GRID2: variants seen among roughly 807,000 people sequenced by gnomAD.
GRID2 encodes glutamate receptor ionotropic, delta-2.
Under a neutral mutation model 114.8 loss-of-function variants are expected in GRID2, and 33 were observed. The observed-to-expected ratio is 0.29, with a 90% confidence interval of 0.22 to 0.38. GRID2 has a LOEUF of 0.38. Among genes scored for constraint, GRID2 ranks in the 10% least tolerant of loss-of-function variants. GRID2 has a pLI of 1.00. For missense variants in GRID2, 1,184 were observed against 1,257.7 expected (o/e 0.94, Z 0.89); for synonymous variants, 505 against 449.9 (o/e 1.12, Z -1.55).
chr4:92,365,044 G>A (rs1728786192), intron 1 of GRID2, among the ~76,000 whole-genome samples: 1 of 151,900 alleles, frequency 6.6e-6, no homozygotes, highest in Non-Finnish European at 1.5e-5. Context: ...ATTGTTGGTG[G>A]GAAAGTAAAT....
chr4:93,540,308 T>G (rs1029729428), intron 13 of GRID2, among the ~76,000 whole-genome samples: 5 of 152,076 alleles, frequency 3.3e-5, no homozygotes, highest in Non-Finnish European at 7.4e-5. Flanking sequence ...GATTGGCCTT[T>G]AACATTTTCT....
intron 1 of GRID2, among the ~76,000 whole-genome samples, chr4:92,441,078 C>G (rs1415003527): frequency 1.3e-5 from 2 of 152,154 alleles, no homozygotes; most frequent in Admixed American, 6.5e-5. Flanking sequence ...TAGGCTAAAA[C>G]AGTAAGGTCA....
intron 8 of GRID2, among the ~76,000 whole-genome samples, chr4:93,318,089 A>G (rs975159170): frequency 1.4e-5 from 2 of 147,650 alleles, no homozygotes; most frequent in Non-Finnish European, 3.0e-5. Flanking sequence ...AAGTTAATAG[A>G]AACAATATAA....
At chr4:92,704,909 T>C (rs909310905) in intron 2 of GRID2, among the ~76,000 whole-genome samples, 1 of 152,072 alleles carries the variant, frequency 6.6e-6, no homozygotes. Flanking sequence ...GTATATAAAT[T>C]CTAAGTGTCA....
chr4:93,622,238 C>A (rs1742278261), intron 13 of GRID2, among the ~76,000 whole-genome samples: 1 of 152,142 alleles, frequency 6.6e-6, no homozygotes, highest in African/African-American at 2.4e-5. Flanking sequence ...GGTGAGAAAT[C>A]AATGCAGACG....
At chr4:93,789,364 A>T (rs1226599025) in intron 1 of GRID2, among the ~76,000 whole-genome samples, 3 of 152,242 alleles carry the variant, frequency 2.0e-5, no homozygotes, top group African/African-American at 7.2e-5. Context: ...TCTGAGCTCC[A>T]CATCAGTTAC....
Position 92,903,161 on chromosome 4 carries a change from C to T in GRID2, c.245-181834C>T, listed in dbSNP as rs541091275. The stretch of plus-strand genomic sequence containing the variant: ...GCTTTAGTCAGTGTGGTCATTTTAA[C>T]GATACTGATTCTTCTGATTCATGAG... On this transcript the variant is annotated intron_variant, in intron 2 of 15. Transcript: ENST00000282020. Among the ~76,000 whole-genome samples, 16 of 151,326 alleles carry T rather than the reference C, an allele frequency of 1.1e-4. No homozygotes were observed. The South Asian group carries it at 1.7e-3, about 16-fold the overall frequency.
intron 1 of GRID2, among the ~76,000 whole-genome samples, chr4:92,374,171 A>G (rs987734051): frequency 3.3e-5 from 5 of 152,160 alleles, no homozygotes; most frequent in African/African-American, 1.2e-4. Context: ...CTTCCCAAGC[A>G]TTAATATCAA....
intron 8 of GRID2, among the ~76,000 whole-genome samples, chr4:93,320,477 A>C (rs73840813): frequency 1.2e-3 from 188 of 152,242 alleles, no homozygotes; most frequent in African/African-American, 4.4e-3. Flanking sequence ...AAATTCTGGC[A>C]TATGTGACAG....
intron 4 of GRID2, among the ~76,000 whole-genome samples, chr4:93,170,821 C>A (rs1579183703): frequency 6.6e-6 from 1 of 151,756 alleles, no homozygotes; most frequent in Non-Finnish European, 1.5e-5. Context: ...GACCAAATTT[C>A]AATGACGATT....
intron 10 of GRID2, among the ~76,000 whole-genome samples, chr4:93,426,941 A>G (rs149913665): frequency 0.012 from 1,833 of 152,132 alleles, 39 homozygotes; most frequent in African/African-American, 0.042. Flanking sequence ...CAGGTGGAGG[A>G]GAAGAAACCT....
intron 2 of GRID2, chr4:92,822,860 C>A (rs1009069874): frequency 1.3e-5 from 2 of 152,792 alleles, no homozygotes; most frequent in African/African-American, 4.8e-5. Context: ...CAGTAGCGAT[C>A]TGGTTACTCA....
At chr4:92,942,680 T>G (rs946760630) in intron 2 of GRID2, among the ~76,000 whole-genome samples, 1 of 152,226 alleles carries the variant, frequency 6.6e-6, no homozygotes, top group Non-Finnish European at 1.5e-5. Context: ...GTCTTTACAA[T>G]TGTGTATGTT....
intron 2 of GRID2, among the ~76,000 whole-genome samples, chr4:92,959,873 T>G (rs114218953): frequency 0.025 from 3,860 of 151,618 alleles, 89 homozygotes; most frequent in African/African-American, 0.056. Context: ...GTAGCTAGGG[T>G]AGAGATAGCA....
chr4:92,813,311 G>A (rs1473237902), intron 2 of GRID2, among the ~76,000 whole-genome samples: 1 of 152,058 alleles, frequency 6.6e-6, no homozygotes. Flanking sequence ...CCAGGTTCTG[G>A]TTCAAGCCCT....
intron 1 of GRID2, among the ~76,000 whole-genome samples, chr4:92,449,663 ATCTT>A: frequency 8.0e-6 from 1 of 124,756 alleles, no homozygotes; most frequent in South Asian, 2.6e-4. Context: ...AAATATGTCT[ATCTT>A]TTCTTACTGA....
intron 1 of GRID2, among the ~76,000 whole-genome samples, chr4:93,783,077 A>T (rs1734512080): frequency 6.6e-6 from 1 of 152,240 alleles, no homozygotes; most frequent in African/African-American, 2.4e-5. Context: ...CTCAATAAGA[A>T]TTATTTCATA....
At chr4:92,859,510 A>G (rs1744392947) in intron 2 of GRID2, among the ~76,000 whole-genome samples, 1 of 152,130 alleles carries the variant, frequency 6.6e-6, no homozygotes. Context: ...AAAAGATCCA[A>G]AATGAATTTC....
intron 4 of GRID2, among the ~76,000 whole-genome samples, chr4:93,173,535 G>A (rs989277029): frequency 6.6e-6 from 1 of 152,172 alleles, no homozygotes; most frequent in Non-Finnish European, 1.5e-5. Flanking sequence ...TGGAATTGAT[G>A]ATAAAATATA....
Sources: gnomAD v4.1 joint callset for allele counts (sites outside exome capture counted in the v4.1 genomes callset) on GRCh38, gnomAD v4.1.1 for gene constraint, MANE v1.5 for transcripts, NCBI Gene and HGNC (gene_info 2026-07-23, HGNC 2026-07-21) for gene names.